Variants in CRISP3 observed in about 807,000 individuals in gnomAD.
CRISP3 encodes cysteine rich secretory protein 3.
In CRISP3, 33 loss-of-function variants were observed where a neutral mutation model predicts 36.1. That is an observed-to-expected ratio of 0.91 (90% CI 0.69 to 1.22). CRISP3 has a LOEUF of 1.22. CRISP3 is among the 50% of genes most tolerant of loss of function. The pLI is 0.00. For missense variants in CRISP3, 330 were observed against 301.2 expected (o/e 1.10, Z -0.71); for synonymous variants, 117 against 104.6 (o/e 1.12, Z -0.72).
At chr6:49,742,093 A>G (rs1328502612) in intron 1 of CRISP3, among the ~76,000 whole-genome samples, 1 of 151,852 alleles carries the variant, frequency 6.6e-6, no homozygotes, top group Non-Finnish European at 1.5e-5. Context: ...AGAAACACTT[A>G]TAACAGTTAA....
intron 3 of CRISP3, 144 bp downstream of exon 3, chr6:49,736,247 C>T: frequency 4.8e-6 from 3 of 626,748 alleles, no homozygotes; most frequent in Non-Finnish European, 5.7e-6. Flanking sequence ...AAATTCAGCT[C>T]TGCCCATTAC....
At chr6:49,728,997 T>G (rs1768847818) in intron 7 of CRISP3, 140 bp from the exon 8 acceptor site, 1 of 656,256 alleles carries the variant, frequency 1.5e-6, no homozygotes, top group Non-Finnish European at 2.5e-6. Context: ...GGCCATTTTA[T>G]ATCTTGAGGG....
In CRISP3 at chr6:49,744,342, A is replaced by G. The variant is rs1249314666; in HGVS notation, c.26T>C (p.Leu9Pro). MKQILHPA[L>P]ETTAMTLFPV... ...GAGTTATCACTTACCAGTGGTTTCC[A>G]GAGCAGGATGAAGTATTTGTTTCAT... The change falls in exon 1 of 8, where the codon CTG becomes CCG. Residue 9 changes from leucine (L) to proline (P), a missense_variant. Coordinates refer to ENST00000263045, the MANE Select transcript of CRISP3 (RefSeq NM_006061.4). 6.5e-7 allele frequency: 1 copy of G among 1,532,798 alleles called. No individual in the cohort carries two copies. Among genetic ancestry groups the G allele is most frequent in the African/African-American group, 1.4e-5 (1 of 72,926 alleles). 94.9% of individuals were successfully genotyped at this position (1,532,798 alleles called of 1,614,324 possible).
At chr6:49,743,283 C>T (rs976129499) in intron 1 of CRISP3, among the ~76,000 whole-genome samples, 2 of 152,104 alleles carry the variant, frequency 1.3e-5, no homozygotes, top group African/African-American at 4.8e-5. Flanking sequence ...AATTCTGACA[C>T]TCTTCCTCCC....
intron 5 of CRISP3, 50 bp from the exon 6 acceptor site, chr6:49,733,342 T>C: frequency 8.0e-7 from 1 of 1,244,124 alleles, no homozygotes. Flanking sequence ...AAGAAGGAAA[T>C]ACCAAAAAAC....
At chr6:49,734,042 C>A (rs1179935654) in intron 4 of CRISP3, among the ~76,000 whole-genome samples, 194 bp from the exon 5 acceptor site, 2 of 152,118 alleles carry the variant, frequency 1.3e-5, no homozygotes, top group African/African-American at 4.8e-5. Flanking sequence ...TGAATAGAAG[C>A]CAGATTTGCC....
intron 1 of CRISP3, among the ~76,000 whole-genome samples, chr6:49,738,259 C>A (rs1227232658): frequency 6.6e-6 from 1 of 152,132 alleles, no homozygotes; most frequent in African/African-American, 2.4e-5. Flanking sequence ...ATCATGTTAT[C>A]ATTTATAAGG....
chr6:49,734,995 A>G (rs1403573817), intron 4 of CRISP3, among the ~76,000 whole-genome samples: 2 of 152,164 alleles, frequency 1.3e-5, no homozygotes, highest in East Asian at 3.8e-4. Flanking sequence ...AGAAAATAAT[A>G]AAAGTTAATG....
intron 1 of CRISP3, among the ~76,000 whole-genome samples, chr6:49,739,397 A>G (rs1769141846): frequency 6.6e-6 from 1 of 152,190 alleles, no homozygotes; most frequent in Non-Finnish European, 1.5e-5. Flanking sequence ...GTCCTGGTAT[A>G]TAATTACGGG....
intron 7 of CRISP3, among the ~76,000 whole-genome samples, chr6:49,730,258 T>A (rs1295232185): frequency 6.6e-6 from 1 of 152,168 alleles, no homozygotes; most frequent in Non-Finnish European, 1.5e-5. Context: ...TAAATTTATT[T>A]ACTCCTTTTT....
chr6:49,731,063 T>C (rs1207595898), intron 7 of CRISP3, 100 bp downstream of exon 7: 2 of 811,438 alleles, frequency 2.5e-6, no homozygotes, highest in African/African-American at 3.6e-5. Flanking sequence ...GTCCTTTGCA[T>C]GAAGGCATTG....
At chr6:49,730,368 T>A (rs554654328) in intron 7 of CRISP3, among the ~76,000 whole-genome samples, 1 of 152,138 alleles carries the variant, frequency 6.6e-6, no homozygotes, top group East Asian at 1.9e-4. Flanking sequence ...GAAGTGCAAG[T>A]GATTATTATA....
At chr6:49,737,598 T>C (rs1488572921) in intron 1 of CRISP3, 200 bp from the exon 2 acceptor site, 4 of 622,360 alleles carry the variant, frequency 6.4e-6, no homozygotes, top group Admixed American at 5.7e-5. Flanking sequence ...ACTGGGACTA[T>C]AAAGAACAAA....
intron 1 of CRISP3, among the ~76,000 whole-genome samples, chr6:49,738,975 T>C (rs1354226609): frequency 6.6e-6 from 1 of 151,186 alleles, no homozygotes; most frequent in Non-Finnish European, 1.5e-5. Flanking sequence ...TTTTGTCCAA[T>C]GCATTAATAA....
At chr6:49,734,103 C>A (rs928145519) in intron 4 of CRISP3, among the ~76,000 whole-genome samples, 2 of 152,070 alleles carry the variant, frequency 1.3e-5, no homozygotes, top group South Asian at 4.1e-4. Flanking sequence ...GATGGAGAAG[C>A]CTTTTTTCTT....
Position 49,735,998 on chromosome 6 carries a change from C to T in CRISP3, c.228+393G>A, listed in dbSNP as rs147322881. 3.3e-5 allele frequency among the ~76,000 whole-genome samples: 5 copies of T among 151,840 alleles called. No homozygotes were observed. The East Asian group carries it at 5.8e-4, about 18-fold the overall frequency. On this transcript the variant is annotated intron_variant, in intron 3 of 7. Transcript: ENST00000263045. ...TTTTTTCCCCCTCACTGAATATGTT[C>T]GGGAGACATGTGGCCTTTGGTACAG...
chr6:49,741,121 AAAC>A (rs1582199104), intron 1 of CRISP3, among the ~76,000 whole-genome samples: 6 of 86,198 alleles, frequency 7.0e-5, no homozygotes, highest in Admixed American at 2.9e-4. Flanking sequence ...AAAAACAAAC[AAAC>A]AAAAAAAACA....
At chr6:49,736,561 A>T in intron 2 of CRISP3, 54 bp from the exon 3 acceptor site, 1 of 1,239,396 alleles carries the variant, frequency 8.1e-7, no homozygotes. Flanking sequence ...AATTGCACAT[A>T]ATAGTAACTA....
chr6:49,739,744 C>A (rs1561910129), intron 1 of CRISP3, among the ~76,000 whole-genome samples: 2 of 151,302 alleles, frequency 1.3e-5, no homozygotes, highest in South Asian at 4.2e-4. Flanking sequence ...AGTAGCGTCA[C>A]ATAGAAGGTA....
Sources: gnomAD v4.1 joint callset for allele counts (sites outside exome capture counted in the v4.1 genomes callset) on GRCh38, gnomAD v4.1.1 for gene constraint, MANE v1.5 for transcripts, NCBI Gene and HGNC (gene_info 2026-07-23, HGNC 2026-07-21) for gene names.